The following SUGCT variants were observed in gnomAD, a reference collection of about 807,000 sequenced individuals.
The protein encoded by SUGCT is succinyl-CoA:glutarate-CoA transferase.
In SUGCT, 41 loss-of-function variants were observed where a neutral mutation model predicts 55.0. That is an observed-to-expected ratio of 0.74 (90% confidence interval 0.58 to 0.97). The LOEUF is 0.97. SUGCT is among the 50% of genes least tolerant of loss of function. SUGCT has a pLI of 0.00. For missense variants in SUGCT, 568 were observed against 547.8 expected (o/e 1.04, Z -0.37); for synonymous variants, 187 against 200.4 (o/e 0.93, Z 0.56).
chr7:40,282,237 G>A (rs929560512), intron 8 of SUGCT, among the ~76,000 whole-genome samples: 1 of 151,992 alleles, frequency 6.6e-6, no homozygotes, highest in African/African-American at 2.4e-5. Flanking sequence ...GGAAGCTAAG[G>A]TGGGCGAATC....
the SUGCT span, among the ~76,000 whole-genome samples, chr7:40,925,019 TG>T: frequency 7.9e-3 from 1,200 of 152,328 alleles, 15 homozygotes; most frequent in African/African-American, 0.028. Flanking sequence ...GTGTACCACA[TG>T]TAAGTTTCTC....
chr7:40,263,191 G>C (rs1398963905), intron 7 of SUGCT, among the ~76,000 whole-genome samples: 2 of 152,080 alleles, frequency 1.3e-5, no homozygotes, highest in Non-Finnish European at 2.9e-5. Flanking sequence ...CAAAATGTTG[G>C]GATTACAGGC....
At chr7:40,285,491 TCG>T (rs796131783) in intron 8 of SUGCT, among the ~76,000 whole-genome samples, 5,793 of 146,604 alleles carry the variant, frequency 0.04, 396 homozygotes, top group African/African-American at 0.13. Context: ...TTTTCTTTTT[TCG>T]GGGGGGGGCA....
intron 7 of SUGCT, among the ~76,000 whole-genome samples, chr7:40,259,312 A>T (rs901748502): frequency 2.0e-5 from 3 of 152,176 alleles, no homozygotes; most frequent in Non-Finnish European, 4.4e-5. Context: ...GGGCCCACTT[A>T]CATGTGGAGT....
intron 11 of SUGCT, among the ~76,000 whole-genome samples, chr7:40,487,078 CTTTTT>C (rs745766266): frequency 5.3e-5 from 5 of 93,936 alleles, no homozygotes; most frequent in African/African-American, 9.6e-5. Context: ...TGATTTCAAT[CTTTTT>C]TTTTTTTTTT....
intron 12 of SUGCT, among the ~76,000 whole-genome samples, chr7:40,727,939 A>G (rs147925183): frequency 1.4e-4 from 22 of 152,274 alleles, no homozygotes; most frequent in African/African-American, 5.3e-4. Context: ...GTTCTAGCAT[A>G]TATCTGTGTT....
At chr7:40,631,348 T>C (rs942807854) in intron 12 of SUGCT, among the ~76,000 whole-genome samples, 3 of 152,290 alleles carry the variant, frequency 2.0e-5, no homozygotes, top group Admixed American at 2.0e-4. Context: ...CGGTTATAAG[T>C]TTTGGATATA....
chr7:40,179,238 G>A (rs185926158), intron 1 of SUGCT, among the ~76,000 whole-genome samples: 8 of 151,712 alleles, frequency 5.3e-5, no homozygotes, highest in Non-Finnish European at 4.4e-5. Context: ...AACTTAGTGC[G>A]TTAAAACAAG....
At chr7:40,639,120 A>T (rs1800148297) in intron 12 of SUGCT, among the ~76,000 whole-genome samples, 1 of 152,174 alleles carries the variant, frequency 6.6e-6, no homozygotes, top group Non-Finnish European at 1.5e-5. Context: ...TGCAGAATTT[A>T]TATCATTTGG....
intron 9 of SUGCT, among the ~76,000 whole-genome samples, chr7:40,360,026 A>T (rs971047232): frequency 1.3e-5 from 2 of 151,812 alleles, no homozygotes; most frequent in Non-Finnish European, 1.5e-5. Context: ...GCAAGATTTT[A>T]TTTTTGAGAC....
At chr7:40,347,397 G>A (rs1797373853) in intron 9 of SUGCT, among the ~76,000 whole-genome samples, 1 of 144,646 alleles carries the variant, frequency 6.9e-6, no homozygotes, top group African/African-American at 2.5e-5. Flanking sequence ...TAGTGTTTTT[G>A]TTTGTTTGTT....
At chr7:40,356,991 C>G (rs1308369974) in intron 9 of SUGCT, among the ~76,000 whole-genome samples, 4 of 152,148 alleles carry the variant, frequency 2.6e-5, no homozygotes, top group Non-Finnish European at 5.9e-5. Context: ...TATTTCTAAA[C>G]AAATTTATTT....
intron 12 of SUGCT, among the ~76,000 whole-genome samples, chr7:40,500,317 A>T (rs937008534): frequency 1.5e-4 from 23 of 152,130 alleles, no homozygotes; most frequent in Non-Finnish European, 1.6e-4. Context: ...CAGGTGTAAG[A>T]CATCACCCTG....
At chr7:40,388,656 T>G (rs1353155530) in intron 9 of SUGCT, among the ~76,000 whole-genome samples, 5 of 152,204 alleles carry the variant, frequency 3.3e-5, no homozygotes, top group African/African-American at 1.2e-4. Context: ...CTTAAAGTGA[T>G]GTGCCTGCCG....
At chr7:40,507,286 A>C (rs765374079) in intron 12 of SUGCT, among the ~76,000 whole-genome samples, 9 of 152,160 alleles carry the variant, frequency 5.9e-5, no homozygotes, top group Non-Finnish European at 1.2e-4. Flanking sequence ...ATAGCTTTTG[A>C]GGTCCCAGCT....
intron 7 of SUGCT, among the ~76,000 whole-genome samples, chr7:40,255,399 C>T (rs994754704): frequency 3.3e-5 from 5 of 151,572 alleles, no homozygotes; most frequent in South Asian, 2.1e-4. Flanking sequence ...CAGTGGCTCA[C>T]GCCTGTAATC....
chr7:40,751,996 A>G (rs900692531), intron 13 of SUGCT, among the ~76,000 whole-genome samples: 1 of 152,214 alleles, frequency 6.6e-6, no homozygotes, highest in African/African-American at 2.4e-5. Context: ...TCTTTTGCCC[A>G]CTTTAATTTA....
chr7:40,429,220 T>C (rs2151383627), intron 9 of SUGCT, among the ~76,000 whole-genome samples: 1 of 152,318 alleles, frequency 6.6e-6, no homozygotes, highest in South Asian at 2.1e-4. Flanking sequence ...ATTTATGTTG[T>C]ACATTAGATC....
At chr7:40,337,224 G>T (rs1796763357) in intron 9 of SUGCT, among the ~76,000 whole-genome samples, 1 of 152,206 alleles carries the variant, frequency 6.6e-6, no homozygotes, top group African/African-American at 2.4e-5. Context: ...TGTATATTCT[G>T]CTGATTTGGG....
Sources: allele counts gnomAD v4.1 joint callset (sites outside exome capture counted in the v4.1 genomes callset), GRCh38; gene constraint gnomAD v4.1.1; transcripts MANE v1.5; gene names NCBI Gene and HGNC (gene_info 2026-07-23, HGNC 2026-07-21).